GRM1: variants seen among roughly 807,000 people sequenced by gnomAD.
GRM1 encodes metabotropic glutamate receptor 1.
In GRM1, 33 loss-of-function variants were observed where a neutral mutation model predicts 90.9. The observed-to-expected ratio is 0.36, with a 90% CI of 0.28 to 0.49. The LOEUF is 0.49. GRM1 is among the 20% of genes least tolerant of loss of function. GRM1 has a pLI of 0.99. For synonymous variants in GRM1, 700 were observed against 613.2 expected, an observed-to-expected ratio of 1.14 and a Z score of -2.09; for missense variants, 1,190 against 1,534.3, an observed-to-expected ratio of 0.78 and a Z score of 3.75.
intron 2 of GRM1, among the ~76,000 whole-genome samples, chr6:146,275,129 G>C (rs953396524): frequency 6.6e-6 from 1 of 152,176 alleles, no homozygotes; most frequent in African/African-American, 2.4e-5. Flanking sequence ...ACTGCAATGA[G>C]CTAAACTAAG....
intron 1 of GRM1, among the ~76,000 whole-genome samples, chr6:146,077,514 C>T (rs1366640450): frequency 5.3e-5 from 8 of 152,142 alleles, no homozygotes; most frequent in Non-Finnish European, 4.4e-5. Context: ...AATTATGAAG[C>T]AGAGTGGTGT....
chr6:146,428,368 AAATAATCCCAACAGAGC>A (rs1160451919), intron 7 of GRM1, among the ~76,000 whole-genome samples: 1 of 152,246 alleles, frequency 6.6e-6, no homozygotes, highest in Non-Finnish European at 1.5e-5. Context: ...TACTCCTGAG[AAATAATCCCAACAGAGC>A]AATGCAACTG....
chr6:146,260,809 T>G (rs1474140601), intron 2 of GRM1, among the ~76,000 whole-genome samples: 2 of 95,964 alleles, frequency 2.1e-5, no homozygotes, highest in Non-Finnish European at 3.9e-5. Context: ...TTTGGGTTTT[T>G]TTTTTTTTTT....
intron 7 of GRM1, among the ~76,000 whole-genome samples, chr6:146,409,373 G>T (rs114716539): frequency 0.013 from 1,939 of 152,206 alleles, 47 homozygotes; most frequent in African/African-American, 0.045. Flanking sequence ...GTCCATGGAG[G>T]GGGAAGAAAA....
chr6:146,222,931 A>G (rs1038739154), intron 2 of GRM1, among the ~76,000 whole-genome samples: 4 of 152,068 alleles, frequency 2.6e-5, no homozygotes, highest in Admixed American at 1.3e-4. Context: ...AGGTAAGAGA[A>G]GTTTAGATGG....
chr6:146,352,511 A>G lies in GRM1; in HGVS notation c.1433+15A>G. The G allele has an allele frequency of 1.2e-6, 2 of 1,612,788 alleles. No individual in the cohort carries two copies. The highest frequency in any genetic ancestry group is 1.1e-5 in the South Asian group (1 of 90,684). ...GCTCCTGGAAGGTAATCTTTTCAGT[A>G]ATCAATCTAAGTAACCTTGTGAGCC... On this transcript the variant is annotated intron_variant, in intron 4 of 7. Transcript: ENST00000282753.
chr6:146,385,870 T>G (rs1181470328), intron 5 of GRM1, among the ~76,000 whole-genome samples: 1 of 152,016 alleles, frequency 6.6e-6, no homozygotes, highest in African/African-American at 2.4e-5. Flanking sequence ...CTTATCTGAA[T>G]GTACATTGTG....
chr6:146,427,884 G>T (rs1327550275), intron 7 of GRM1, among the ~76,000 whole-genome samples: 4 of 152,302 alleles, frequency 2.6e-5, no homozygotes, highest in Admixed American at 6.5e-5. Flanking sequence ...AGAGCTGCTG[G>T]CTGCCTGTCA....
rs544153460 is a variant in GRM1 at position 146,420,625 on chromosome 6, T to C, written c.2661-13247T>C. On this transcript the variant is annotated intron_variant, in intron 7 of 7. Transcript: ENST00000282753. ...AAATACTATTAGGCATACCAAGAGATAGGACCATATTACTGGAAAACCTAG... is the reference window on the plus strand; with the variant it reads ...AAATACTATTAGGCATACCAAGAGACAGGACCATATTACTGGAAAACCTAG... 1.2e-4 allele frequency among the ~76,000 whole-genome samples: 19 copies of C among 152,270 alleles called. No individual in the cohort carries two copies. The East Asian group carries it at 3.7e-3, about 29-fold the overall frequency.
chr6:146,037,838 C>A (rs1380880682), intron 1 of GRM1, among the ~76,000 whole-genome samples: 1 of 152,000 alleles, frequency 6.6e-6, no homozygotes, highest in East Asian at 1.9e-4. Context: ...GAGAAAGTCA[C>A]TGAAAAATAG....
intron 7 of GRM1, among the ~76,000 whole-genome samples, chr6:146,410,263 T>TA (rs779741722): frequency 4.0e-5 from 6 of 151,748 alleles, no homozygotes; most frequent in African/African-American, 4.8e-5. Flanking sequence ...GTCCTTAATT[T>TA]AAAAAAAATA....
intron 2 of GRM1, among the ~76,000 whole-genome samples, chr6:146,177,440 T>C (rs919379489): frequency 2.0e-5 from 3 of 152,150 alleles, no homozygotes; most frequent in African/African-American, 7.2e-5. Context: ...TTCTTTTAAT[T>C]TGGCTCTCTT....
At chr6:146,135,686 A>G (rs1458879920) in intron 1 of GRM1, among the ~76,000 whole-genome samples, 7 of 152,168 alleles carry the variant, frequency 4.6e-5, no homozygotes, top group African/African-American at 1.4e-4. Context: ...GTATATATTT[A>G]TGGAGTACAT....
chr6:146,271,660 C>T (rs2114826502), intron 2 of GRM1, among the ~76,000 whole-genome samples: 1 of 152,298 alleles, frequency 6.6e-6, no homozygotes, highest in Middle Eastern at 3.4e-3. Flanking sequence ...TAAATGTAGG[C>T]AGTCTGTCAC....
intron 7 of GRM1, among the ~76,000 whole-genome samples, chr6:146,404,907 A>G (rs1374790641): frequency 6.6e-6 from 1 of 152,212 alleles, no homozygotes; most frequent in Non-Finnish European, 1.5e-5. Context: ...ATAACAGGTA[A>G]AAATAAAAGC....
intron 5 of GRM1, among the ~76,000 whole-genome samples, chr6:146,377,812 C>G (rs1322521133): frequency 3.3e-5 from 5 of 152,136 alleles, no homozygotes; most frequent in African/African-American, 1.2e-4. Context: ...TGCATCCCAG[C>G]CATGGCTAAA....
intron 2 of GRM1, among the ~76,000 whole-genome samples, chr6:146,196,066 C>T (rs1779103750): frequency 6.6e-6 from 1 of 152,126 alleles, no homozygotes; most frequent in African/African-American, 2.4e-5. Flanking sequence ...TATATAGTCA[C>T]CACAGGTGTG....
At chr6:146,407,947 A>T (rs1044479749) in intron 7 of GRM1, among the ~76,000 whole-genome samples, 1 of 152,234 alleles carries the variant, frequency 6.6e-6, no homozygotes, top group Non-Finnish European at 1.5e-5. Flanking sequence ...GGGAAATTTC[A>T]GAGTCAGATG....
intron 3 of GRM1, among the ~76,000 whole-genome samples, chr6:146,321,874 G>T (rs1784202047): frequency 6.6e-6 from 1 of 151,870 alleles, no homozygotes; most frequent in African/African-American, 2.4e-5. Context: ...ACGTGAGATG[G>T]GTCTGCTGAA....
Sources: gnomAD v4.1 joint callset for allele counts (sites outside exome capture counted in the v4.1 genomes callset) on GRCh38, gnomAD v4.1.1 for gene constraint, MANE v1.5 for transcripts, NCBI Gene and HGNC (gene_info 2026-07-23, HGNC 2026-07-21) for gene names.